ZNF550: variants seen among roughly 807,000 people sequenced by gnomAD.
ZNF550 encodes the protein zinc finger protein 550.
Under a neutral mutation model 40.2 loss-of-function variants are expected in ZNF550, and 42 were observed. The observed-to-expected ratio is 1.05, with a 90% CI of 0.82 to 1.35. ZNF550 has a LOEUF of 1.35. Among genes scored for constraint, ZNF550 ranks in the 40% most tolerant of loss-of-function variants. The pLI is 0.00. For synonymous variants in ZNF550, 223 were observed against 198.6 expected (o/e 1.12, Z -1.03); for missense variants, 549 against 525.2 (o/e 1.05, Z -0.44).
chr19:57,556,034 G>A, intron 2 of ZNF550, 197 bp downstream of exon 2: 1 of 600,588 alleles, frequency 1.7e-6, no homozygotes, highest in East Asian at 3.3e-5. Context: ...AGAATGGGCT[G>A]AGCACTGGAG....
exon 4 of ZNF550, chr19:57,547,067 G>A: frequency 6.2e-7 from 1 of 1,614,024 alleles, no homozygotes; most frequent in Non-Finnish European, 8.5e-7. Flanking sequence ...TCCCCAGTGT[G>A]GATGACAGAG....
chr19:57,546,446 C>T, intron 4 of ZNF550: 1 of 982,770 alleles, frequency 1.0e-6, no homozygotes, highest in Non-Finnish European at 1.2e-6. Flanking sequence ...GGACATAAAG[C>T]AAGAAGATAC....
chr19:57,560,141 GC>G (rs1367082621), upstream of ZNF550, among the ~76,000 whole-genome samples: 2 of 152,154 alleles, frequency 1.3e-5, no homozygotes, highest in Admixed American at 6.5e-5. Context: ...GATAAAGGGG[GC>G]CCTGCCACGA....
intron 3 of ZNF550, 102 bp from the exon 4 acceptor site, chr19:57,548,095 T>C: frequency 9.2e-7 from 1 of 1,083,182 alleles, no homozygotes; most frequent in Non-Finnish European, 1.3e-6. Flanking sequence ...AAATAGTGCC[T>C]ATGATACTTG....
chr19:57,554,901 C>T lies in ZNF550; in HGVS notation c.154+1330G>A, dbSNP rs1388580946. The T allele has an allele frequency of 2.0e-5, 3 of 152,286 alleles. No individual in the cohort carries two copies. The highest frequency in any genetic ancestry group is 4.4e-5 in the Non-Finnish European group (3 of 68,064). 9.4% of individuals were successfully genotyped at this position (152,286 alleles called of 1,614,324 possible). The stretch of plus-strand genomic sequence containing the variant: ...CCTACTCAGCTTTCAGGTCTCAGCT[C>T]CACTGTCACTTCCTGAGATGCCCTC... On this transcript the variant is annotated intron_variant, in intron 2 of 4. Coordinates refer to ENST00000457177, the Ensembl canonical transcript of ZNF550. The surrounding 1 kb of genome is among the most constrained non-coding windows in gnomAD (Gnocchi z 4.5).
At chr19:57,547,049 A>G in exon 4 of ZNF550, 2 of 1,613,920 alleles carry the variant, frequency 1.2e-6, no homozygotes, top group Non-Finnish European at 1.7e-6. Flanking sequence ...ATACACTTGT[A>G]GGGCATCTCC....
chr19:57,552,810 C>T, intron 2 of ZNF550, 88 bp from the exon 3 acceptor site: 1 of 963,344 alleles, frequency 1.0e-6, no homozygotes, highest in South Asian at 1.5e-5. Flanking sequence ...TGACAGGGTC[C>T]AGACATGAAT....
intron 3 of ZNF550, chr19:57,552,336 G>A: frequency 2.1e-6 from 1 of 465,532 alleles, no homozygotes. Context: ...TCAAGTATGT[G>A]TACAACTGGG....
chr19:57,546,853 GAA>G (rs1197180040), exon 4 of ZNF550: 9 of 1,424,816 alleles, frequency 6.3e-6, no homozygotes, highest in Non-Finnish European at 8.3e-6. Context: ...CAAAAAAAAT[GAA>G]AAGTTTCCTG....
At chr19:57,549,467 AAAT>A (rs1258860139) in intron 3 of ZNF550, among the ~76,000 whole-genome samples, 2 of 152,190 alleles carry the variant, frequency 1.3e-5, no homozygotes, top group African/African-American at 4.8e-5. Context: ...AGAAAAATAA[AAAT>A]AAATGAAGCC....
At chr19:57,559,308 T>C (rs2090149376) in intron 1 of ZNF550, among the ~76,000 whole-genome samples, 1 of 151,866 alleles carries the variant, frequency 6.6e-6, no homozygotes. Context: ...CGCGCAAAAA[T>C]GAAGGACGAG....
At chr19:57,549,236 T>A (rs755633058) in intron 3 of ZNF550, among the ~76,000 whole-genome samples, 3 of 152,226 alleles carry the variant, frequency 2.0e-5, no homozygotes, top group Non-Finnish European at 2.9e-5. Flanking sequence ...TACCTTGATG[T>A]GATTATTATG....
At chr19:57,547,499 G>A in exon 4 of ZNF550, 1 of 1,614,076 alleles carries the variant, frequency 6.2e-7, no homozygotes, top group East Asian at 2.2e-5. Flanking sequence ...ATGAGGTAGT[G>A]CCGAATGAGA....
chr19:57,550,046 A>G (rs910704627), intron 3 of ZNF550, among the ~76,000 whole-genome samples: 14 of 152,192 alleles, frequency 9.2e-5, no homozygotes, highest in Non-Finnish European at 4.4e-5. Flanking sequence ...ATTGTGGGAC[A>G]TTACCCTTAT....
chr19:57,545,507 A>T (rs968722580), intron 4 of ZNF550, among the ~76,000 whole-genome samples: 2 of 152,238 alleles, frequency 1.3e-5, no homozygotes, highest in African/African-American at 4.8e-5. Flanking sequence ...GCAAGTACAA[A>T]GTGATCACTA....
At chr19:57,552,686 A>C in exon 3 of ZNF550, 1 of 1,598,462 alleles carries the variant, frequency 6.3e-7, no homozygotes, top group Non-Finnish European at 8.5e-7. Flanking sequence ...CCCATGCTCT[A>C]GCAGGTGGAC....
intron 3 of ZNF550, among the ~76,000 whole-genome samples, chr19:57,550,967 C>T (rs141595614): frequency 1.8e-3 from 276 of 152,250 alleles, no homozygotes; most frequent in African/African-American, 6.3e-3. Flanking sequence ...AATTTGAGTA[C>T]ACTTTTTTTT....
At chr19:57,542,856 T>C (rs910148589) in exon 5 of ZNF550, 1 of 152,186 alleles carries the variant, frequency 6.6e-6, no homozygotes, top group African/African-American at 2.4e-5. Flanking sequence ...GACACAGTCA[T>C]AGTCAATTAG....
chr19:57,557,017 A>T (rs2090128056), intron 1 of ZNF550: 1 of 152,154 alleles, frequency 6.6e-6, no homozygotes, highest in Admixed American at 6.6e-5. Flanking sequence ...GGCCACAGGG[A>T]CCTCTGCCCG....
Sources: allele counts gnomAD v4.1 joint callset (sites outside exome capture counted in the v4.1 genomes callset), GRCh38; gene constraint gnomAD v4.1.1; non-coding constraint Gnocchi (gnomAD v3.1); transcripts MANE v1.5; gene names NCBI Gene and HGNC (gene_info 2026-07-23, HGNC 2026-07-21).